Variants in TERB1 observed in about 807,000 individuals in gnomAD.
The protein encoded by TERB1 is telomere repeat binding bouquet formation protein 1, also known as telomere repeats-binding bouquet formation protein 1.
Under a neutral mutation model 92.3 loss-of-function variants are expected in TERB1, and 63 were observed. That is an observed-to-expected ratio of 0.68 (90% CI 0.56 to 0.84). The LOEUF (loss-of-function observed/expected upper bound fraction) is 0.84. Ranked by LOEUF, TERB1 falls within the 40% of genes least tolerant of loss-of-function variation. The pLI is 0.00. For missense variants in TERB1, 709 were observed against 843.7 expected (o/e 0.84, Z 1.98); for synonymous variants, 252 against 283.9 (o/e 0.89, Z 1.13).
intron 4 of TERB1, 48 bp downstream of exon 4, chr16:66,790,861 G>A (rs1378749991): frequency 7.1e-7 from 1 of 1,416,206 alleles, no homozygotes; most frequent in East Asian, 2.5e-5. Context: ...ATATATCAGA[G>A]TACTAAAGAA....
At chr16:66,757,651 G>A (rs949332369) in intron 18 of TERB1, among the ~76,000 whole-genome samples, 1 of 152,140 alleles carries the variant, frequency 6.6e-6, no homozygotes, top group African/African-American at 2.4e-5. Context: ...GAAAGTTTTG[G>A]CAGTGAAAAT....
At chr16:66,763,031 T>C (rs1019527136) in intron 16 of TERB1, among the ~76,000 whole-genome samples, 1 of 152,104 alleles carries the variant, frequency 6.6e-6, no homozygotes, top group Non-Finnish European at 1.5e-5. Context: ...CACCTAAAAA[T>C]TCATGCTTAA....
chr16:66,779,114 A>G, intron 9 of TERB1, 99 bp from the exon 10 acceptor site: 1 of 912,548 alleles, frequency 1.1e-6, no homozygotes. Context: ...GACCTTTTCA[A>G]ATACTTTCTA....
chr16:66,767,173 CAA>C (rs879545796), intron 16 of TERB1, among the ~76,000 whole-genome samples: 15 of 95,188 alleles, frequency 1.6e-4, no homozygotes, highest in East Asian at 5.7e-4. Context: ...CGAAAAAATA[CAA>C]AAAAAAAAAA....
At chr16:66,788,723 A>G (rs1047242880) in intron 5 of TERB1, among the ~76,000 whole-genome samples, 1 of 152,172 alleles carries the variant, frequency 6.6e-6, no homozygotes, top group Non-Finnish European at 1.5e-5. Flanking sequence ...CTTTCCTAGA[A>G]ATAAAACTCT....
chr16:66,777,244 A>C lies in TERB1; in HGVS notation c.944T>G (p.Phe315Cys). 3 of 1,551,272 alleles carry C rather than the reference A, an allele frequency of 1.9e-6. No homozygotes were observed. In the South Asian group the frequency reaches 3.6e-5, roughly 18 times the overall value. The change falls in exon 11 of 19, where the codon TTT (phenylalanine) becomes TGT (cysteine). Residue 315 changes from phenylalanine (F) to cysteine (C), a missense_variant. Physicochemically the swap from Phe to Cys is radical, Grantham distance 205. Coordinates refer to ENST00000433154, the MANE Select transcript of TERB1 (RefSeq NM_001136505.2). ...LHESLDSGEKFSIMLTLGHCT... is the reference protein window; with the variant it reads ...LHESLDSGEKCSIMLTLGHCT... ...ATGACCAAGAGTAAGCATGATGCTA[A>C]ATTTTTCTCCTGAATCCAGACTTTC... is the stretch of plus-strand genomic sequence containing the variant.
chr16:66,786,171 T>A (rs937134317), intron 7 of TERB1, 42 bp from the exon 8 acceptor site: 2 of 1,529,376 alleles, frequency 1.3e-6, no homozygotes, highest in African/African-American at 2.8e-5. Context: ...AATACAAATG[T>A]GTTAAGGTCC....
intron 16 of TERB1, among the ~76,000 whole-genome samples, chr16:66,760,765 C>G (rs1195126228): frequency 1.2e-5 from 1 of 86,242 alleles, no homozygotes; most frequent in Non-Finnish European, 2.1e-5. Context: ...ACCTGGGTGA[C>G]AGAGCGAGAC....
intron 11 of TERB1, among the ~76,000 whole-genome samples, chr16:66,775,734 G>A: frequency 6.8e-6 from 1 of 146,542 alleles, no homozygotes; most frequent in African/African-American, 2.5e-5. Context: ...TTTTTGAGAG[G>A]GAATCTCGCT....
intron 12 of TERB1, among the ~76,000 whole-genome samples, chr16:66,774,709 G>T (rs1358771939): frequency 6.7e-6 from 1 of 148,916 alleles, no homozygotes; most frequent in African/African-American, 2.5e-5. Flanking sequence ...TTGAGACAGG[G>T]TCTCACTCTA....
chr16:66,796,325 C>T (rs2018928946), intron 3 of TERB1, among the ~76,000 whole-genome samples: 1 of 152,168 alleles, frequency 6.6e-6, no homozygotes, highest in Non-Finnish European at 1.5e-5. Context: ...TCTCTTTTCA[C>T]CTTTTTGAAA....
intron 16 of TERB1, among the ~76,000 whole-genome samples, chr16:66,766,698 A>G (rs1337572711): frequency 6.6e-6 from 1 of 152,252 alleles, no homozygotes. Flanking sequence ...AAATTCATAG[A>G]TGGTATTAAG....
At chr16:66,769,092 C>T (rs898360046) in intron 14 of TERB1, among the ~76,000 whole-genome samples, 4 of 145,914 alleles carry the variant, frequency 2.7e-5, no homozygotes, top group South Asian at 2.1e-4. Context: ...GCAACAAGAG[C>T]GAAACTTTCT....
Position 66,767,462 on chromosome 16 carries a change from A to G in TERB1, c.1733T>C (p.Phe578Ser). 1 of 1,529,392 alleles carries G rather than the reference A, an allele frequency of 6.5e-7. No homozygotes were observed. The highest frequency in any genetic ancestry group is 8.8e-7 in the Non-Finnish European group (1 of 1,139,190). 94.7% of individuals were successfully genotyped at this position (1,529,392 alleles called of 1,614,324 possible). A position where few individuals can be genotyped will look rare whatever the true frequency, so the allele number is the denominator to read the frequency against. ...TTCGGAACAACTGGGAGTTGCTAGAAAACTGACTACTTCTTTATTTATTAT... is the reference window on the plus strand; with the variant it reads ...TTCGGAACAACTGGGAGTTGCTAGAGAACTGACTACTTCTTTATTTATTAT... ...SDIINKEVVSFLATPSCSEML... is the reference protein window; with the variant it reads ...SDIINKEVVSSLATPSCSEML... Residue 578 changes from phenylalanine to serine, a missense_variant, in exon 16 of 19, where the codon TTT becomes TCT. Physicochemically the swap from Phe to Ser is radical, Grantham distance 155. Coordinates refer to ENST00000433154, the MANE Select transcript of TERB1 (RefSeq NM_001136505.2).
chr16:66,773,673 A>C (rs1037513379), intron 12 of TERB1, among the ~76,000 whole-genome samples: 1 of 152,172 alleles, frequency 6.6e-6, no homozygotes, highest in Admixed American at 6.5e-5. Context: ...TCTAGACCAG[A>C]TTCCTTTGTT....
intron 10 of TERB1, among the ~76,000 whole-genome samples, chr16:66,778,395 A>G (rs2018584172): frequency 6.6e-6 from 1 of 151,932 alleles, no homozygotes; most frequent in South Asian, 2.1e-4. Flanking sequence ...CACCACACAC[A>G]GCCTGAAATT....
intron 3 of TERB1, among the ~76,000 whole-genome samples, chr16:66,792,215 G>A (rs906046998): frequency 4.6e-5 from 7 of 152,108 alleles, no homozygotes; most frequent in South Asian, 2.1e-4. Flanking sequence ...AAAATCCAAC[G>A]TGCATCCCTG....
chr16:66,767,532 A>G, intron 15 of TERB1, 22 bp from the exon 16 acceptor site: 1 of 1,106,062 alleles, frequency 9.0e-7, no homozygotes, highest in South Asian at 1.5e-5. Context: ...TGCAAAATGA[A>G]GGATTTTTGG....
At chr16:66,761,318 G>A (rs573782941) in intron 16 of TERB1, among the ~76,000 whole-genome samples, 6 of 151,236 alleles carry the variant, frequency 4.0e-5, no homozygotes, top group East Asian at 2.0e-4. Flanking sequence ...CGTGCATGAC[G>A]GCAGGTGCCT....
Sources: gnomAD v4.1 joint callset for allele counts (sites outside exome capture counted in the v4.1 genomes callset) on GRCh38, gnomAD v4.1.1 for gene constraint, MANE v1.5 for transcripts, NCBI Gene and HGNC (gene_info 2026-07-23, HGNC 2026-07-21) for gene names.